ABHD18: variants seen among roughly 807,000 people sequenced by gnomAD.
The protein encoded by ABHD18 is abhydrolase domain containing 18, also known as cardiolipin-specific deacylase, mitochondrial.
A neutral mutation model predicts 65.9 loss-of-function variants in ABHD18; 55 were observed. That is an observed-to-expected ratio of 0.84 (90% CI 0.67 to 1.05). The LOEUF (loss-of-function observed/expected upper bound fraction) is 1.05, where lower values mean the gene tolerates loss of function less well. ABHD18 is among the 50% of genes least tolerant of loss of function. The pLI is 0.00. For synonymous variants in ABHD18, 181 were observed against 180.2 expected (o/e 1.00, Z -0.04); for missense variants, 533 against 558.5 (o/e 0.95, Z 0.46).
In ABHD18 at chr4:127,984,361, A is replaced by G. The variant is rs1223113040; in HGVS notation, c.115A>G (p.Ile39Val). 9.7e-6 allele frequency: 15 copies of G among 1,550,408 alleles called. No individual in the cohort carries two copies. The highest frequency in any genetic ancestry group is 1.7e-4 in the Middle Eastern group (1 of 6,000). Residue 39 changes from isoleucine to valine, a missense_variant, in exon 3 of 13, where the codon ATT becomes GTT. Ile to Val is a conservative substitution (Grantham distance 29). This residue lies in a region of ABHD18 where 309 missense variants were observed against 313.5 expected (regional missense o/e 0.99). Transcript: ENST00000645843. ...TAGACTCTTTGAATTCAGAAAGATG[A>G]TTGGAAATCGGGAAAGATGCCAGAA... The part of the protein sequence containing the change: ...LKRLFEFRKM[I>V]GNRERCQNLV...
chr4:127,973,462 T>C (rs1392338499), intron 1 of ABHD18, among the ~76,000 whole-genome samples: 1 of 152,126 alleles, frequency 6.6e-6, no homozygotes, highest in African/African-American at 2.4e-5. Context: ...CCAGATACTC[T>C]ACTCAAATGC....
At chr4:128,026,469 A>G (rs1757376515) in intron 10 of ABHD18, among the ~76,000 whole-genome samples, 1 of 152,056 alleles carries the variant, frequency 6.6e-6, no homozygotes, top group African/African-American at 2.4e-5. Flanking sequence ...AAAAAAAAAA[A>G]AAAAAGAGCA....
chr4:128,024,759 C>T (rs1757085800), intron 10 of ABHD18, among the ~76,000 whole-genome samples: 1 of 151,664 alleles, frequency 6.6e-6, no homozygotes, highest in South Asian at 2.1e-4. Context: ...GAGGCACAAT[C>T]TTGGCTCGCC....
intron 8 of ABHD18, among the ~76,000 whole-genome samples, chr4:128,018,296 C>T (rs971359041): frequency 3.0e-4 from 46 of 152,258 alleles, no homozygotes; most frequent in African/African-American, 1.1e-3. Flanking sequence ...ATATTAGTCA[C>T]TCAGTACATT....
chr4:127,968,098 A>G (rs1401547693), intron 1 of ABHD18, among the ~76,000 whole-genome samples: 4 of 152,146 alleles, frequency 2.6e-5, no homozygotes, highest in Non-Finnish European at 5.9e-5. Flanking sequence ...AGTCCCAGCT[A>G]CTCGGAGAGG....
Position 128,020,178 on chromosome 4 carries a change from A to C in ABHD18, c.699+9A>C, listed in dbSNP as rs762086816. 2 of 1,598,430 alleles carry C rather than the reference A, an allele frequency of 1.3e-6. No individual in the cohort carries two copies. The highest frequency in any genetic ancestry group is 4.5e-5 in the East Asian group (2 of 44,646). ...CTGGGGTCTTCACTACGGTAATTTA[A>C]TTGTAATTAATATTAGGTAGCTATA... On this transcript the variant is annotated intron_variant, in intron 9 of 12. Coordinates refer to ENST00000645843, the MANE Select transcript of ABHD18 (RefSeq NM_001358451.3).
intron 4 of ABHD18, among the ~76,000 whole-genome samples, chr4:127,990,895 G>A (rs1439246134): frequency 6.6e-6 from 1 of 152,148 alleles, no homozygotes; most frequent in African/African-American, 2.4e-5. Context: ...TTGAGACAGA[G>A]TCTCACTCTG....
intron 6 of ABHD18, chr4:128,009,626 T>G (rs1221389880): frequency 6.5e-6 from 1 of 154,882 alleles, no homozygotes; most frequent in Non-Finnish European, 1.5e-5. Flanking sequence ...TTGCTGGTAA[T>G]AAATGTAGAG....
At chr4:127,982,918 A>C in intron 1 of ABHD18, 21 bp from the exon 2 acceptor site, 1 of 1,290,212 alleles carries the variant, frequency 7.8e-7, no homozygotes, top group Non-Finnish European at 1.1e-6. Flanking sequence ...TTTTAAAGCC[A>C]TTTTAAATTT....
intron 1 of ABHD18, among the ~76,000 whole-genome samples, chr4:127,969,026 A>G (rs1028203524): frequency 3.9e-5 from 6 of 152,180 alleles, no homozygotes; most frequent in Non-Finnish European, 4.4e-5. Context: ...CCCCAGAACC[A>G]AATTTATACT....
At position 127,965,474 on chromosome 4, in the gene ABHD18, T is replaced by C. The variant is rs79037967; in HGVS notation, c.-150T>C. 861 of 438,274 alleles carry C rather than the reference T, an allele frequency of 2.0e-3. 11 individuals carry two copies. Among genetic ancestry groups the C allele is most frequent in the African/African-American group, 0.016 (796 of 50,296 alleles). The allele number at this position is 438,274 out of a possible 1,614,324, so 27.1% of individuals were successfully genotyped here. On this transcript the variant is annotated 5_prime_UTR_variant, in exon 1 of 13. Transcript: ENST00000645843. ...GTTTCTCCTTCCGCTGTATCTAGCATTTCGGTTCCTGGAAAGGTTACCGGA... is the reference window on the plus strand; with the variant it reads ...GTTTCTCCTTCCGCTGTATCTAGCACTTCGGTTCCTGGAAAGGTTACCGGA...
intron 2 of ABHD18, 78 bp from the exon 3 acceptor site, chr4:127,984,261 A>T: frequency 1.4e-6 from 1 of 716,132 alleles, no homozygotes; most frequent in Non-Finnish European, 2.3e-6. Flanking sequence ...ATTACTGTTA[A>T]TCAGTCTCAA....
intron 4 of ABHD18, among the ~76,000 whole-genome samples, chr4:128,003,789 A>G (rs1753093736): frequency 6.6e-6 from 1 of 152,044 alleles, no homozygotes; most frequent in African/African-American, 2.4e-5. Flanking sequence ...TACTGAAAAT[A>G]GCAAAAATAG....
At chr4:127,993,883 A>G (rs1393295821) in intron 4 of ABHD18, among the ~76,000 whole-genome samples, 1 of 152,216 alleles carries the variant, frequency 6.6e-6, no homozygotes, top group Admixed American at 6.5e-5. Flanking sequence ...GTTGCTAAAC[A>G]TGGAATTTCT....
chr4:127,977,297 A>G (rs1037281860), intron 1 of ABHD18, among the ~76,000 whole-genome samples: 1 of 151,634 alleles, frequency 6.6e-6, no homozygotes, highest in Admixed American at 6.6e-5. Flanking sequence ...ACATGGAGAA[A>G]CCCTGTCTCT....
At chr4:128,033,198 G>A (rs1009637031) in intron 12 of ABHD18, among the ~76,000 whole-genome samples, 7 of 151,980 alleles carry the variant, frequency 4.6e-5, no homozygotes, top group Non-Finnish European at 1.0e-4. Context: ...AGCTTGCAGT[G>A]AGCCGAGATC....
chr4:128,031,441 C>T (rs1758200500), intron 12 of ABHD18: 1 of 152,100 alleles, frequency 6.6e-6, no homozygotes, highest in Non-Finnish European at 1.5e-5. Context: ...GCACTTCAGC[C>T]TGGGAGACAG....
intron 12 of ABHD18, 50 bp from the exon 13 acceptor site, chr4:128,035,712 C>T (rs1437958268): frequency 1.9e-6 from 2 of 1,076,300 alleles, no homozygotes; most frequent in South Asian, 1.5e-5. Context: ...CATTGTTTGT[C>T]CCCCCTTTTT....
intron 10 of ABHD18, among the ~76,000 whole-genome samples, chr4:128,023,704 C>T (rs1756913351): frequency 6.6e-6 from 1 of 151,858 alleles, no homozygotes; most frequent in African/African-American, 2.4e-5. Context: ...TACGGTGAAA[C>T]CCCATCTCTA....
Sources: gnomAD v4.1 joint callset for allele counts (sites outside exome capture counted in the v4.1 genomes callset) on GRCh38, gnomAD v4.1.1 for gene constraint, gnomAD v4.1.1 regional missense constraint, MANE v1.5 for transcripts, NCBI Gene and HGNC (gene_info 2026-07-23, HGNC 2026-07-21) for gene names.